The following DNAH6 variants were observed in gnomAD, a reference collection of about 807,000 sequenced individuals.
DNAH6 encodes axonemal beta dynein heavy chain 6.
A neutral mutation model predicts 491.4 loss-of-function variants in DNAH6; 340 were observed. The ratio of observed to expected loss-of-function variants is 0.69; its 90% CI spans 0.63 to 0.76. The LOEUF (loss-of-function observed/expected upper bound fraction) is 0.76. DNAH6 is among the 30% of genes least tolerant of loss of function. The pLI is 0.00. For missense variants in DNAH6, 4,443 were observed against 4,972.2 expected (o/e 0.89, Z 3.20); for synonymous variants, 1,603 against 1,686.1 (o/e 0.95, Z 1.21).
chr2:84,734,512 C>T (rs1255931573), intron 62 of DNAH6, among the ~76,000 whole-genome samples: 1 of 152,142 alleles, frequency 6.6e-6, no homozygotes, highest in Non-Finnish European at 1.5e-5. Flanking sequence ...TCATGGTTTT[C>T]ATGAAATTGA....
At chr2:84,663,746 A>G (rs2104619358) in intron 37 of DNAH6, among the ~76,000 whole-genome samples, 1 of 152,320 alleles carries the variant, frequency 6.6e-6, no homozygotes, top group South Asian at 2.1e-4. Flanking sequence ...AATACAGAGA[A>G]CGCCACAAAG....
At chr2:84,663,883 A>T (rs1290354391) in intron 37 of DNAH6, among the ~76,000 whole-genome samples, 1 of 152,240 alleles carries the variant, frequency 6.6e-6, no homozygotes, top group Non-Finnish European at 1.5e-5. Flanking sequence ...AGCCCATCAG[A>T]CTAACAGCTG....
chr2:84,806,366 TC>T (rs1213386768), intron 71 of DNAH6, among the ~76,000 whole-genome samples: 1 of 152,192 alleles, frequency 6.6e-6, no homozygotes, highest in East Asian at 1.9e-4. Flanking sequence ...ATGCCTGTAA[TC>T]CTAGCACTTT....
chr2:84,606,209 C>CT (rs1312253043), intron 20 of DNAH6, among the ~76,000 whole-genome samples: 1 of 152,150 alleles, frequency 6.6e-6, no homozygotes, highest in East Asian at 1.9e-4. Context: ...AAGCCCTGGC[C>CT]TAATAGGGTG....
intron 40 of DNAH6, 87 bp from the exon 41 acceptor site, chr2:84,676,918 C>A: frequency 6.9e-7 from 1 of 1,444,886 alleles, no homozygotes; most frequent in Non-Finnish European, 9.4e-7. Context: ...TAATGCAATG[C>A]TGGCATTTGG....
At chr2:84,679,248 A>G (rs1471206630) in intron 41 of DNAH6, among the ~76,000 whole-genome samples, 1 of 152,244 alleles carries the variant, frequency 6.6e-6, no homozygotes, top group African/African-American at 2.4e-5. Context: ...TTTCTTTGAT[A>G]GTCTGTTGCA....
intron 64 of DNAH6, among the ~76,000 whole-genome samples, chr2:84,775,746 G>A (rs1008537609): frequency 2.6e-5 from 4 of 152,008 alleles, no homozygotes; most frequent in African/African-American, 7.2e-5. Context: ...AGTGTCTTGG[G>A]TGTGTCTCCA....
intron 40 of DNAH6, among the ~76,000 whole-genome samples, chr2:84,674,933 G>A (rs553171566): frequency 5.9e-5 from 9 of 152,260 alleles, no homozygotes; most frequent in African/African-American, 2.2e-4. Flanking sequence ...CCCTGCACAT[G>A]CCCCACAGTC....
chr2:84,803,915 TA>T (rs937234468), intron 70 of DNAH6, among the ~76,000 whole-genome samples: 6 of 152,122 alleles, frequency 3.9e-5, no homozygotes, highest in African/African-American at 1.2e-4. Flanking sequence ...TCCCGAAGTG[TA>T]ATAAGATCAG....
At position 84,780,172 on chromosome 2, in the gene DNAH6, A is replaced by T. The variant is rs546546814; in HGVS notation, c.10704-1321A>T. ...GTTTCTCTGAATTTCTTGAAATTGC[A>T]TGTCAACCTCCCTAGCAATATTGGG... On this transcript the variant is annotated intron_variant, in intron 64 of 76. Transcript: ENST00000389394. Among the ~76,000 whole-genome samples, 8 of 152,262 alleles carry T rather than the reference A, an allele frequency of 5.3e-5. No homozygotes were observed. In the East Asian group the frequency reaches 1.5e-3, roughly 29 times the overall value.
At chr2:84,604,911 A>G (rs1007095492) in intron 19 of DNAH6, among the ~76,000 whole-genome samples, 3 of 152,222 alleles carry the variant, frequency 2.0e-5, no homozygotes, top group Admixed American at 6.5e-5. Flanking sequence ...TTATGATACT[A>G]TCTCCTTACC....
At position 84,744,207 on chromosome 2, in the gene DNAH6, A is replaced by G. The variant is rs571004914; in HGVS notation, c.10343-873A>G. On this transcript the variant is annotated intron_variant, in intron 62 of 76. Transcript: ENST00000389394. Reference sequence around the variant, plus strand: ...AGAGGAGAGCCCCTGCAGACAAGCTAGAGAAAGTTGCTTTCTAGCCTGAAA... The same window carrying G: ...AGAGGAGAGCCCCTGCAGACAAGCTGGAGAAAGTTGCTTTCTAGCCTGAAA... Among the ~76,000 whole-genome samples, 9 of 152,362 alleles carry G rather than the reference A, an allele frequency of 5.9e-5. No individual in the cohort carries two copies. The East Asian group carries it at 1.5e-3, about 26-fold the overall frequency.
upstream of DNAH6, among the ~76,000 whole-genome samples, chr2:84,515,389 T>C (rs1189333768): frequency 6.6e-6 from 1 of 152,206 alleles, no homozygotes; most frequent in Non-Finnish European, 1.5e-5. Context: ...GCACTTGCTT[T>C]CTCTGGGCTT....
intron 29 of DNAH6, among the ~76,000 whole-genome samples, chr2:84,626,896 G>A (rs1193020358): frequency 1.3e-5 from 2 of 152,160 alleles, no homozygotes; most frequent in Non-Finnish European, 2.9e-5. Context: ...GTGAGCCACC[G>A]CGCCCGGCCA....
intron 31 of DNAH6, among the ~76,000 whole-genome samples, chr2:84,640,182 C>G (rs1362359514): frequency 6.6e-6 from 1 of 151,976 alleles, no homozygotes. Flanking sequence ...CAAATGTCCC[C>G]AAAGCTACAT....
chr2:84,775,612 A>G (rs1676045564), intron 64 of DNAH6, among the ~76,000 whole-genome samples: 1 of 152,200 alleles, frequency 6.6e-6, no homozygotes, highest in Admixed American at 6.5e-5. Context: ...TATATCTGGT[A>G]GAATTCCACT....
intron 10 of DNAH6, among the ~76,000 whole-genome samples, chr2:84,554,204 T>C (rs1679796890): frequency 6.6e-6 from 1 of 152,218 alleles, no homozygotes; most frequent in Non-Finnish European, 1.5e-5. Flanking sequence ...CTTGATTCAG[T>C]CACATCTATC....
intron 45 of DNAH6, among the ~76,000 whole-genome samples, chr2:84,692,460 GA>G (rs1694959811): frequency 6.7e-6 from 1 of 150,062 alleles, no homozygotes; most frequent in East Asian, 1.9e-4. Flanking sequence ...TAGATAGATA[GA>G]TAGATAGATA....
At chr2:84,525,543 C>G in intron 2 of DNAH6, 22 bp from the exon 3 acceptor site, 1 of 1,524,722 alleles carries the variant, frequency 6.6e-7, no homozygotes, top group Middle Eastern at 1.7e-4. Flanking sequence ...TAAAAATTAA[C>G]ATGTCTCTCT....
Sources: allele counts gnomAD v4.1 joint callset (sites outside exome capture counted in the v4.1 genomes callset), GRCh38; gene constraint gnomAD v4.1.1; transcripts MANE v1.5; gene names NCBI Gene and HGNC (gene_info 2026-07-23, HGNC 2026-07-21).